The following ABCB11 variants were observed in gnomAD, a reference collection of about 807,000 sequenced individuals.
ABCB11 encodes ATP binding cassette subfamily B member 11, also known as bile salt export pump.
ABCB11 carries 95 observed loss-of-function variants against 148.0 expected under a neutral mutation model. That is an observed-to-expected ratio of 0.64 (90% CI 0.54 to 0.76). ABCB11 has a LOEUF of 0.76. Among genes scored for constraint, ABCB11 ranks in the 30% least tolerant of loss-of-function variants. The probability of loss-of-function intolerance (pLI) is 0.00; values close to 1 mark genes in which losing one functional copy is unlikely to be tolerated. For synonymous variants in ABCB11, 591 were observed against 555.4 expected (o/e 1.06, Z -0.90); for missense variants, 1,523 against 1,617.8 (o/e 0.94, Z 1.01).
intron 5 of ABCB11, among the ~76,000 whole-genome samples, chr2:169,009,173 T>G (rs1370481463): frequency 6.6e-6 from 1 of 152,144 alleles, no homozygotes; most frequent in African/African-American, 2.4e-5. Flanking sequence ...TTTCTAGTAA[T>G]GAAAATGTTT....
chr2:168,980,220 T>C lies in ABCB11; in HGVS notation c.1084-241A>G, dbSNP rs2287619. ...TTATTTTTTTACTGAATATTACTCT[T>C]CTACAAAGTAGAACTGTCTTGAAAT... is the stretch of plus-strand genomic sequence containing the variant. On this transcript the variant is annotated intron_variant, in intron 10 of 27. Transcript: ENST00000650372. Among the ~76,000 whole-genome samples the C allele has an allele frequency of 0.078, 11,827 of 152,210 alleles. 536 individuals carry two copies. Among genetic ancestry groups the C allele is most frequent in the East Asian group, 0.2 (1,044 of 5,168 alleles).
intron 9 of ABCB11, among the ~76,000 whole-genome samples, chr2:168,988,563 G>T (rs1342492573): frequency 6.6e-6 from 1 of 152,068 alleles, no homozygotes; most frequent in Non-Finnish European, 1.5e-5. Flanking sequence ...TGTGAATAAT[G>T]TTGCAGTGAA....
chr2:168,940,122 G>A (rs755905394), intron 21 of ABCB11, among the ~76,000 whole-genome samples: 7 of 152,008 alleles, frequency 4.6e-5, no homozygotes, highest in Non-Finnish European at 1.0e-4. Flanking sequence ...GCCTCTAAGT[G>A]TTCAAGTGAA....
At chr2:168,927,819 A>C (rs940138753) in intron 25 of ABCB11, among the ~76,000 whole-genome samples, 1 of 152,184 alleles carries the variant, frequency 6.6e-6, no homozygotes, top group African/African-American at 2.4e-5. Context: ...CATAACTGAG[A>C]TAATAAAACC....
intron 21 of ABCB11, among the ~76,000 whole-genome samples, 163 bp from the exon 22 acceptor site, chr2:168,936,596 A>G (rs1041355526): frequency 1.3e-5 from 2 of 152,188 alleles, no homozygotes; most frequent in African/African-American, 4.8e-5. Flanking sequence ...GCATTTCACA[A>G]TGTTTTGTAA....
intron 1 of ABCB11, among the ~76,000 whole-genome samples, chr2:169,023,105 C>T (rs1206348819): frequency 6.6e-6 from 1 of 152,092 alleles, no homozygotes; most frequent in African/African-American, 2.4e-5. Context: ...CTTTCATGCA[C>T]AGCTAATGAG....
chr2:168,924,511 T>A lies in ABCB11; in HGVS notation c.3765+146A>T, dbSNP rs1254963760. On this transcript the variant is annotated intron_variant, in intron 27 of 27. Coordinates refer to ENST00000650372, the MANE Select transcript of ABCB11 (RefSeq NM_003742.4). ...CTTATATTAAATCACTTGCTCTAGA[T>A]AATTGTCTTTTGGTTCCACAAAGTA... The A allele has an allele frequency of 9.1e-6, 6 of 658,122 alleles. No individual in the cohort carries two copies. The Admixed American group carries it at 1.5e-4, about 17-fold the overall frequency. 40.8% of individuals were successfully genotyped at this position (658,122 alleles called of 1,614,324 possible). A position where few individuals can be genotyped will look rare whatever the true frequency, so the allele number is the denominator to read the frequency against.
chr2:168,936,116 G>A, intron 22 of ABCB11, 114 bp downstream of exon 22: 1 of 1,027,656 alleles, frequency 9.7e-7, no homozygotes. Context: ...TCTTAAGTGT[G>A]CCTGTCTTGT....
chr2:168,958,866 G>A (rs1692921451), intron 18 of ABCB11, among the ~76,000 whole-genome samples: 1 of 151,566 alleles, frequency 6.6e-6, no homozygotes, highest in African/African-American at 2.4e-5. Context: ...ACTCAAGTTT[G>A]GTCTTAAGCG....
At chr2:168,915,571 G>A (rs1690925809) in exon 3 of ABCB11, among the ~76,000 whole-genome samples, 1 of 152,206 alleles carries the variant, frequency 6.6e-6, no homozygotes, top group Admixed American at 6.5e-5. Flanking sequence ...GTGAAGGCAG[G>A]CAACCCAGGC....
chr2:168,990,855 ATG>A lies in ABCB11; in HGVS notation c.852_853del (p.Ile285PhefsTer12). The A allele has an allele frequency of 6.2e-7, 1 of 1,613,116 alleles. No individual in the cohort carries two copies. The highest frequency in any genetic ancestry group is 8.5e-7 in the Non-Finnish European group (1 of 1,179,260). ...AGCAGCCACTGTTCTCATTGATGAA[ATG>A]ACTTCATCAGCCACCACCCCTGCTT... On this transcript the variant is annotated frameshift_variant, in exon 9 of 28. Coordinates refer to ENST00000650372, the MANE Select transcript of ABCB11 (RefSeq NM_003742.4). LOFTEE classifies it high-confidence loss of function.
At chr2:168,964,457 G>T in intron 17 of ABCB11, 149 bp from the exon 18 acceptor site, 1 of 663,966 alleles carries the variant, frequency 1.5e-6, no homozygotes, top group Non-Finnish European at 2.6e-6. Flanking sequence ...TGCAGGTTAG[G>T]TTTGACAGAG....
chr2:169,013,497 G>T lies in ABCB11; in HGVS notation c.164C>A (p.Ser55Ter), dbSNP rs1447134419. ...VGFFQLFRFS[S>*]STDIWLMFVG... is the part of the protein sequence containing the mutation. ...AAACATCAGCCAAATGTCAGTTGATGAAGAAAACCGAAACTTGAAAAACAA... is the reference window on the plus strand; with the variant it reads ...AAACATCAGCCAAATGTCAGTTGATTAAGAAAACCGAAACTTGAAAAACAA... Residue 55 changes from serine to a stop codon, truncating the protein, a stop_gained, in exon 5 of 28, where the codon TCA becomes TAA. Transcript: ENST00000650372. LOFTEE classifies it high-confidence loss of function. 6.2e-7 allele frequency: 1 copy of T among 1,612,846 alleles called. No homozygotes were observed. The highest frequency in any genetic ancestry group is 8.5e-7 in the Non-Finnish European group (1 of 1,179,296).
chr2:169,018,223 GAA>G, intron 1 of ABCB11, 71 bp from the exon 2 acceptor site: 1 of 1,386,144 alleles, frequency 7.2e-7, no homozygotes, highest in Non-Finnish European at 1.0e-6. Context: ...GTAGCCAAAC[GAA>G]AGAACAATTT....
chr2:168,945,241 T>C (rs139030039), intron 19 of ABCB11, among the ~76,000 whole-genome samples: 337 of 151,944 alleles, frequency 2.2e-3, no homozygotes, highest in African/African-American at 7.7e-3. Flanking sequence ...GGGAAATCTC[T>C]GTACCTTCCT....
At chr2:168,991,069 C>G in intron 8 of ABCB11, 144 bp from the exon 9 acceptor site, 1 of 1,078,220 alleles carries the variant, frequency 9.3e-7, no homozygotes, top group Non-Finnish European at 1.3e-6. Flanking sequence ...AGGAAGAAAT[C>G]TGGTCCAAAT....
intron 1 of ABCB11, among the ~76,000 whole-genome samples, chr2:169,018,765 C>T (rs1288034797): frequency 1.3e-5 from 2 of 152,258 alleles, no homozygotes; most frequent in East Asian, 1.9e-4. Flanking sequence ...GATATAGACA[C>T]TCGATTCAGC....
chr2:168,985,978 C>T, intron 10 of ABCB11, 132 bp downstream of exon 10: 2 of 795,558 alleles, frequency 2.5e-6, no homozygotes, highest in South Asian at 3.6e-5. Context: ...CTTGTTTCCA[C>T]AGACAGACTC....
At chr2:168,979,709 C>T (rs1694068025) in intron 11 of ABCB11, among the ~76,000 whole-genome samples, 157 bp downstream of exon 11, 1 of 149,478 alleles carries the variant, frequency 6.7e-6, no homozygotes, top group East Asian at 2.0e-4. Context: ...AGAATTGGCA[C>T]CAGCACATGA....
Sources: gnomAD v4.1 joint callset for allele counts (sites outside exome capture counted in the v4.1 genomes callset) on GRCh38, gnomAD v4.1.1 for gene constraint, MANE v1.5 for transcripts, NCBI Gene and HGNC (gene_info 2026-07-23, HGNC 2026-07-21) for gene names.